CUTA: variants seen among roughly 807,000 people sequenced by gnomAD.
CUTA encodes protein CutA.
Under a neutral mutation model 20.7 loss-of-function variants are expected in CUTA, and 21 were observed. The ratio of observed to expected loss-of-function variants is 1.01; its 90% CI spans 0.72 to 1.46. The LOEUF is 1.46. CUTA is among the 40% of genes most tolerant of loss of function. The pLI, the probability that CUTA is intolerant of heterozygous loss-of-function variation, is 0.00. For missense variants in CUTA, 231 were observed against 226.8 expected (o/e 1.02, Z -0.12); for synonymous variants, 99 against 97.9 (o/e 1.01, Z -0.07).
At position 33,416,617 on chromosome 6, in the gene CUTA, G is replaced by A. The variant is rs760074942; in HGVS notation, c.*33C>T. On this transcript the variant is annotated 3_prime_UTR_variant, in exon 6 of 6. Coordinates refer to ENST00000488034, the MANE Select transcript of CUTA (RefSeq NM_001014840.2). Reference sequence around the variant, plus strand: ...AAGTCAGAAGGCGTTGAAGTATCGCGGGGATCTTCATGATGAGCAGGAACA... The same window carrying A: ...AAGTCAGAAGGCGTTGAAGTATCGCAGGGATCTTCATGATGAGCAGGAACA... 4.0e-6 allele frequency: 5 copies of A among 1,259,042 alleles called. No individual in the cohort carries two copies. The East Asian group carries it at 7.0e-5, about 18-fold the overall frequency. 78.0% of individuals were successfully genotyped at this position (1,259,042 alleles called of 1,614,324 possible). A position where few individuals can be genotyped will look rare whatever the true frequency, so the allele number is the denominator to read the frequency against.
chr6:33,416,831 C>A, intron 5 of CUTA, 55 bp from the exon 6 acceptor site: 1 of 1,606,144 alleles, frequency 6.2e-7, no homozygotes, highest in East Asian at 2.2e-5. Flanking sequence ...CCCAAAAGAA[C>A]CCACTCCCTT....
At chr6:33,417,356 T>C (rs772330085) in intron 2 of CUTA, 46 bp from the exon 3 acceptor site, 15 of 1,613,544 alleles carry the variant, frequency 9.3e-6, no homozygotes, top group Non-Finnish European at 1.3e-5. Context: ...ATAACCCCAG[T>C]TTTTGTACTG....
Position 33,417,680 on chromosome 6 carries a change from A to G in CUTA, c.58T>C (p.Ser20Pro). The G allele has an allele frequency of 6.2e-7, 1 of 1,609,496 alleles. No individual in the cohort carries two copies. The highest frequency in any genetic ancestry group is 1.3e-5 in the African/African-American group (1 of 74,898). ...LLGGVASLLL[S>P]FVWMPALLPV... ...AGCAGCGCCGGCATCCAAACAAAAGACAGGAGCAGAGAGGCCTGAGAGCAG... is the reference window on the plus strand; with the variant it reads ...AGCAGCGCCGGCATCCAAACAAAAGGCAGGAGCAGAGAGGCCTGAGAGCAG... The change falls in exon 2 of 6, where the codon TCT (serine) becomes CCT (proline). Residue 20 changes from serine (S) to proline (P), a missense_variant. Transcript: ENST00000488034.
In CUTA at chr6:33,416,943, G is replaced by A. The variant is rs759759817; in HGVS notation, c.390C>T (p.Val130=). ...ACCGAACAAAATCTGTCAAAGCTGG[G>A]ACCAAGGAACTTTGGGTTTTAATCA... is the stretch of plus-strand genomic sequence containing the variant. ...LMMIKTQSSL[V]PALTDFVRSV... is the part of the protein sequence containing the mutation. Residue 130 remains valine, a synonymous_variant, in exon 5 of 6, where the codon GTC becomes GTT. Transcript: ENST00000488034. 19 of 1,614,168 alleles carry A rather than the reference G, an allele frequency of 1.2e-5. No individual in the cohort carries two copies. Among genetic ancestry groups the A allele is most frequent in the Admixed American group, 1.7e-5 (1 of 60,012 alleles).
Position 33,417,554 on chromosome 6 carries a change from C to A in CUTA, c.184G>T (p.Gly62Cys), listed in dbSNP as rs1417450190. ...GCAGAGACCGAGCCCGGAACGTAGC[C>A]AGAGCCGGAATCCGAGGCCGGCGAG... Reference protein sequence around the residue: ...QPSPASDSGSGYVPGSVSAAF... With the variant: ...QPSPASDSGSCYVPGSVSAAF... Residue 62 changes from glycine to cysteine, a missense_variant, in exon 2 of 6, where the codon GGC becomes TGC. Transcript: ENST00000488034. 5 of 1,614,180 alleles carry A rather than the reference C, an allele frequency of 3.1e-6. No homozygotes were observed. In the South Asian group the frequency reaches 5.5e-5, roughly 18 times the overall value.
At chr6:33,417,020 G>A in intron 4 of CUTA, 51 bp from the exon 5 acceptor site, 2 of 1,613,166 alleles carry the variant, frequency 1.2e-6, no homozygotes, top group South Asian at 2.2e-5. Context: ...ATTGAGTTCA[G>A]TTTCTCAGAA....
chr6:33,416,719 G>T lies in CUTA; in HGVS notation c.471C>A (p.Asn157Lys). The T allele has an allele frequency of 6.2e-7, 1 of 1,614,160 alleles. No individual in the cohort carries two copies. The highest frequency in any genetic ancestry group is 1.1e-5 in the South Asian group (1 of 91,086). The part of the protein sequence containing the change: ...EVIALPVEQG[N>K]FPYLQWVRQV... ...GGCGCACCCACTGCAGGTACGGAAA[G>T]TTCCCCTGTTCCACAGGCAATGCAA... Residue 157 changes from asparagine (N) to lysine (K), a missense_variant, in exon 6 of 6, where the codon AAC (asparagine) becomes AAA (lysine). Asn to Lys is a moderately conservative substitution (Grantham distance 94). Coordinates refer to ENST00000488034, the MANE Select transcript of CUTA (RefSeq NM_001014840.2).
Position 33,418,077 on chromosome 6 carries a change from CTCT to C in CUTA, c.-80_-78del. 6.2e-7 allele frequency: 1 copy of C among 1,614,174 alleles called. No individual in the cohort carries two copies. The highest frequency in any genetic ancestry group is 8.5e-7 in the Non-Finnish European group (1 of 1,180,040). ...GAGAAACAACCCCAGGAAGAGCGGC[CTCT>C]TCTTACCTGGGTGGCAGCCACGTGA... On this transcript the variant is annotated 5_prime_UTR_variant, in exon 1 of 6. Transcript: ENST00000488034. The surrounding 1 kb of genome is among the most constrained non-coding windows in gnomAD (Gnocchi z 5.7).
At chr6:33,416,875 C>G in intron 5 of CUTA, 45 bp downstream of exon 5, 1 of 1,611,818 alleles carries the variant, frequency 6.2e-7, no homozygotes, top group South Asian at 1.1e-5. Context: ...GCAAGTCACA[C>G]CCACACAGTA....
In CUTA at chr6:33,416,646, C is replaced by G; in HGVS notation, c.*4G>C. The G allele has an allele frequency of 6.7e-7, 1 of 1,496,484 alleles. No homozygotes were observed. Among genetic ancestry groups the G allele is most frequent in the Non-Finnish European group, 9.3e-7 (1 of 1,072,850 alleles). 92.7% of individuals were successfully genotyped at this position (1,496,484 alleles called of 1,614,324 possible). A position where few individuals can be genotyped will look rare whatever the true frequency, so the allele number is the denominator to read the frequency against. Reference sequence around the variant, plus strand: ...ATCTTCATGATGAGCAGGAACAGGGCTCATCATGGCAGGACTGTGATAGAG... The same window carrying G: ...ATCTTCATGATGAGCAGGAACAGGGGTCATCATGGCAGGACTGTGATAGAG... On this transcript the variant is annotated 3_prime_UTR_variant, in exon 6 of 6. Transcript: ENST00000488034.
intron 2 of CUTA, 65 bp from the exon 3 acceptor site, chr6:33,417,375 GAGAC>G: frequency 6.2e-7 from 1 of 1,612,528 alleles, no homozygotes; most frequent in Non-Finnish European, 8.5e-7. Flanking sequence ...TGGCAGCCCA[GAGAC>G]AGGCTTCCAG....
At position 33,416,713 on chromosome 6, in the gene CUTA, C is replaced by A; in HGVS notation, c.477G>T (p.Pro159=). The A allele has an allele frequency of 6.2e-7, 1 of 1,614,070 alleles. No homozygotes were observed. The highest frequency in any genetic ancestry group is 8.5e-7 in the Non-Finnish European group (1 of 1,179,996). Residue 159 remains proline, a synonymous_variant, in exon 6 of 6, where the codon CCG becomes CCT. Transcript: ENST00000488034. ...IALPVEQGNF[P]YLQWVRQVTE... ...TGACCTGGCGCACCCACTGCAGGTA[C>A]GGAAAGTTCCCCTGTTCCACAGGCA...
chr6:33,417,973 G>C lies in CUTA; in HGVS notation c.28C>G (p.Leu10Val). 1.2e-6 allele frequency: 2 copies of C among 1,607,032 alleles called. No individual in the cohort carries two copies. Among genetic ancestry groups the C allele is most frequent in the Non-Finnish European group, 1.7e-6 (2 of 1,176,988 alleles). MSGGRAPAV[L>V]LGGVASLLLS... ...CGGTCACTCACCACTCCGCCGAGCA[G>C]GACCGCGGGAGCCCGCCCCCCACTC... is the stretch of plus-strand genomic sequence containing the variant. The change falls in exon 1 of 6, where the codon CTG becomes GTG. Residue 10 changes from leucine to valine, a missense_variant. Transcript: ENST00000488034.
chr6:33,417,088 G>A lies in CUTA; in HGVS notation c.363+9C>T. 6.2e-7 allele frequency: 1 copy of A among 1,611,774 alleles called. No individual in the cohort carries two copies. The highest frequency in any genetic ancestry group is 8.5e-7 in the Non-Finnish European group (1 of 1,178,268). ...GGATATTTTGTTGGGTGGGGGAAAT[G>A]TTTCTCACCATCAGCACCTCACTGT... On this transcript the variant is annotated intron_variant, in intron 4 of 5. Transcript: ENST00000488034.
chr6:33,416,730 C>T lies in CUTA; in HGVS notation c.460G>A (p.Glu154Lys), dbSNP rs1471144924. 1 of 1,614,014 alleles carries T rather than the reference C, an allele frequency of 6.2e-7. No homozygotes were observed. Among genetic ancestry groups the T allele is most frequent in the East Asian group, 2.2e-5 (1 of 44,894 alleles). ...EVAEVIALPVEQGNFPYLQWV... is the reference protein window; with the variant it reads ...EVAEVIALPVKQGNFPYLQWV... ...TGCAGGTACGGAAAGTTCCCCTGTTCCACAGGCAATGCAATTACCTCGGCC... is the reference window on the plus strand; with the variant it reads ...TGCAGGTACGGAAAGTTCCCCTGTTTCACAGGCAATGCAATTACCTCGGCC... The change falls in exon 6 of 6, where the codon GAA (glutamate) becomes AAA (lysine). Residue 154 changes from glutamate to lysine, a missense_variant. Coordinates refer to ENST00000488034, the MANE Select transcript of CUTA (RefSeq NM_001014840.2).
At position 33,417,265 on chromosome 6, in the gene CUTA, A is replaced by T. The variant is rs1260633170; in HGVS notation, c.303T>A (p.Pro101=). 3 of 1,614,166 alleles carry T rather than the reference A, an allele frequency of 1.9e-6. No individual in the cohort carries two copies. The South Asian group carries it at 3.3e-5, about 18-fold the overall frequency. ...KRLAACVNLI[P]QITSIYEWKG... ...CTATGACTCACATGGATGTAATCTGAGGGATGAGGTTGACGCAGGCTGCTA... is the reference window on the plus strand; with the variant it reads ...CTATGACTCACATGGATGTAATCTGTGGGATGAGGTTGACGCAGGCTGCTA... The change falls in exon 3 of 6, where the codon CCT becomes CCA. Residue 101 remains proline (P), a synonymous_variant. Coordinates refer to ENST00000488034, the MANE Select transcript of CUTA (RefSeq NM_001014840.2).
chr6:33,416,595 T>G lies in CUTA; in HGVS notation c.*55A>C. ...TGGGGGCCCAGTCATCACCTGGAAG[T>G]CAGAAGGCGTTGAAGTATCGCGGGG... On this transcript the variant is annotated 3_prime_UTR_variant, in exon 6 of 6. Coordinates refer to ENST00000488034, the MANE Select transcript of CUTA (RefSeq NM_001014840.2). The G allele has an allele frequency of 1.9e-6, 2 of 1,040,874 alleles. No homozygotes were observed. Among genetic ancestry groups the G allele is most frequent in the Non-Finnish European group, 3.0e-6 (2 of 659,662 alleles). 64.5% of individuals were successfully genotyped at this position (1,040,874 alleles called of 1,614,324 possible). A position where few individuals can be genotyped will look rare whatever the true frequency, so the allele number is the denominator to read the frequency against.
rs765273840 is a variant in CUTA, at chr6:33,417,947, C to G, written c.42+12G>C. On this transcript the variant is annotated intron_variant, in intron 1 of 5. Coordinates refer to ENST00000488034, the MANE Select transcript of CUTA (RefSeq NM_001014840.2). ...GAGGACCGGAAGGGGCGGGGCGGGG[C>G]CGGTCACTCACCACTCCGCCGAGCA... The G allele has an allele frequency of 6.3e-7, 1 of 1,580,304 alleles. No individual in the cohort carries two copies. The highest frequency in any genetic ancestry group is 1.3e-5 in the African/African-American group (1 of 74,320).
chr6:33,416,629 G>T lies in CUTA; in HGVS notation c.*21C>A. The T allele has an allele frequency of 1.4e-6, 2 of 1,384,498 alleles. No homozygotes were observed. The highest frequency in any genetic ancestry group is 2.1e-6 in the Non-Finnish European group (2 of 971,016). 85.8% of individuals were successfully genotyped at this position (1,384,498 alleles called of 1,614,324 possible). On this transcript the variant is annotated 3_prime_UTR_variant, in exon 6 of 6. Transcript: ENST00000488034. The stretch of plus-strand genomic sequence containing the variant: ...GTTGAAGTATCGCGGGGATCTTCAT[G>T]ATGAGCAGGAACAGGGCTCATCATG...
Sources: allele counts gnomAD v4.1 joint callset, GRCh38; gene constraint gnomAD v4.1.1; non-coding constraint Gnocchi (gnomAD v3.1); transcripts MANE v1.5; gene names NCBI Gene and HGNC (gene_info 2026-07-23, HGNC 2026-07-21).